Variants in PAMR1 observed in about 807,000 individuals in gnomAD.
PAMR1 encodes inactive serine protease PAMR1.
PAMR1 carries 88 observed loss-of-function variants against 81.8 expected under a neutral mutation model. The observed-to-expected ratio is 1.08, with a 90% CI of 0.91 to 1.28. The LOEUF (loss-of-function observed/expected upper bound fraction) is 1.28, where lower values mean the gene tolerates loss of function less well. Among genes scored for constraint, PAMR1 ranks in the 50% most tolerant of loss-of-function variants. The pLI, the probability that PAMR1 is intolerant of heterozygous loss-of-function variation, is 0.00. For missense variants in PAMR1, 935 were observed against 919.7 expected, an observed-to-expected ratio of 1.02 and a Z score of -0.21; for synonymous variants, 336 against 345.3, an observed-to-expected ratio of 0.97 and a Z score of 0.30.
chr11:35,501,947 C>T (rs570139117), intron 1 of PAMR1, among the ~76,000 whole-genome samples: 2 of 152,172 alleles, frequency 1.3e-5, no homozygotes, highest in East Asian at 3.9e-4. Flanking sequence ...TTCCCAGTAG[C>T]GGAATTGCTG....
chr11:35,479,516 T>A (rs1850344917), intron 3 of PAMR1, among the ~76,000 whole-genome samples: 12 of 152,224 alleles, frequency 7.9e-5, no homozygotes, highest in Admixed American at 7.8e-4. Context: ...TCGAGTCTTG[T>A]CTGGATCTGA....
intron 1 of PAMR1, among the ~76,000 whole-genome samples, chr11:35,520,944 T>G (rs1851260539): frequency 6.6e-6 from 1 of 152,182 alleles, no homozygotes; most frequent in Admixed American, 6.5e-5. Flanking sequence ...ATAACCCAGA[T>G]GTGGATAAGA....
intron 10 of PAMR1, among the ~76,000 whole-genome samples, chr11:35,434,118 T>C (rs1286232841): frequency 6.6e-6 from 1 of 152,130 alleles, no homozygotes; most frequent in East Asian, 1.9e-4. Context: ...ATCACAACAT[T>C]CATGGAGCTA....
intron 3 of PAMR1, among the ~76,000 whole-genome samples, chr11:35,489,067 C>T (rs1189968776): frequency 1.3e-5 from 2 of 152,162 alleles, no homozygotes; most frequent in African/African-American, 4.8e-5. Context: ...GTTTTCTCTT[C>T]CTTTCCTTTT....
chr11:35,515,944 G>A (rs1004334639), intron 1 of PAMR1, among the ~76,000 whole-genome samples: 2 of 152,118 alleles, frequency 1.3e-5, no homozygotes, highest in African/African-American at 4.8e-5. Context: ...AACTATAGAC[G>A]AAAACACCCA....
At position 35,468,021 on chromosome 11, in the gene PAMR1, G is replaced by T; in HGVS notation, c.800C>A (p.Thr267Asn). The change falls in exon 6 of 11, where the codon ACT becomes AAT. Residue 267 changes from threonine (T) to asparagine (N), a missense_variant. By Grantham distance (65) the Thr-to-Asn change is moderately conservative. Coordinates refer to ENST00000619888, the MANE Select transcript of PAMR1 (RefSeq NM_001001991.3). ...SYKCACLAGY[T>N]GQRCENLLEE... ...CTCACGATTTTCACAGCGCTGCCCAGTATAGCCTGCCAAGCAGGCACACTT... is the reference window on the plus strand; with the variant it reads ...CTCACGATTTTCACAGCGCTGCCCATTATAGCCTGCCAAGCAGGCACACTT... 6.4e-7 allele frequency: 1 copy of T among 1,560,700 alleles called. No homozygotes were observed. The highest frequency in any genetic ancestry group is 1.2e-5 in the South Asian group (1 of 84,846).
intron 6 of PAMR1, among the ~76,000 whole-genome samples, chr11:35,443,500 G>A (rs1856224268): frequency 6.6e-6 from 1 of 152,182 alleles, no homozygotes; most frequent in Non-Finnish European, 1.5e-5. Flanking sequence ...GAGGATAATG[G>A]CTTCTAGCTT....
chr11:35,474,054 G>A (rs994526376), intron 4 of PAMR1, among the ~76,000 whole-genome samples: 7 of 152,298 alleles, frequency 4.6e-5, no homozygotes, highest in African/African-American at 1.2e-4. Flanking sequence ...CAGGACCCTC[G>A]TGTAGCATTT....
At chr11:35,494,365 G>C in intron 1 of PAMR1, 93 bp from the exon 2 acceptor site, 3 of 1,111,544 alleles carry the variant, frequency 2.7e-6, no homozygotes, top group Admixed American at 3.6e-5. Flanking sequence ...ACGGAGTCTT[G>C]CTCTGTCGCC....
chr11:35,477,677 T>C (rs751743432), intron 3 of PAMR1, among the ~76,000 whole-genome samples: 34 of 152,214 alleles, frequency 2.2e-4, no homozygotes, highest in Non-Finnish European at 2.5e-4. Context: ...GGAAAATTAG[T>C]AAATGTTAGC....
At chr11:35,444,195 T>C (rs1009357734) in intron 6 of PAMR1, among the ~76,000 whole-genome samples, 1 of 152,030 alleles carries the variant, frequency 6.6e-6, no homozygotes, top group Non-Finnish European at 1.5e-5. Context: ...TTAATGGGAT[T>C]TTTTTTTCTT....
intron 6 of PAMR1, among the ~76,000 whole-genome samples, chr11:35,441,933 A>T (rs1245537316): frequency 6.6e-6 from 1 of 152,214 alleles, no homozygotes; most frequent in Non-Finnish European, 1.5e-5. Flanking sequence ...TTTGATGCCA[A>T]ATCTGGCTCT....
At position 35,477,360 on chromosome 11, in the gene PAMR1, T is replaced by A. The variant is rs1224746084; in HGVS notation, c.380-2616A>T. On this transcript the variant is annotated intron_variant, in intron 3 of 10. Coordinates refer to ENST00000619888, the MANE Select transcript of PAMR1 (RefSeq NM_001001991.3). ...AAAAAAACACAGAGAACAACATTCA[T>A]CTCCCCATTTTCTAGATGTGGAACA... Among the ~76,000 whole-genome samples the A allele has an allele frequency of 3.3e-5, 5 of 152,314 alleles. No individual in the cohort carries two copies. In the East Asian group the frequency reaches 9.6e-4, roughly 29 times the overall value.
At chr11:35,466,605 T>C (rs1002323676) in intron 6 of PAMR1, among the ~76,000 whole-genome samples, 3 of 151,506 alleles carry the variant, frequency 2.0e-5, no homozygotes, top group African/African-American at 7.3e-5. Flanking sequence ...CGGGCGCCTG[T>C]AGTCCCAGCT....
chr11:35,438,511 C>A (rs1009917506), intron 8 of PAMR1, among the ~76,000 whole-genome samples: 1 of 152,112 alleles, frequency 6.6e-6, no homozygotes, highest in Admixed American at 6.5e-5. Flanking sequence ...CCAAGAATAC[C>A]CAGCACTAAA....
At chr11:35,436,915 A>T (rs1426047723) in intron 8 of PAMR1, among the ~76,000 whole-genome samples, 1 of 152,140 alleles carries the variant, frequency 6.6e-6, no homozygotes. Flanking sequence ...AAATGTAGAC[A>T]TTTTTTTCCT....
chr11:35,492,000 A>G, intron 3 of PAMR1, 45 bp downstream of exon 3: 1 of 1,547,650 alleles, frequency 6.5e-7, no homozygotes, highest in Non-Finnish European at 8.7e-7. Context: ...CTGAGACTTT[A>G]AGACAGTGTG....
chr11:35,453,222 A>G (rs1856456332), intron 6 of PAMR1: 1 of 152,190 alleles, frequency 6.6e-6, no homozygotes, highest in Non-Finnish European at 1.5e-5. Context: ...ACTGCCTTTA[A>G]ATGCCAATTT....
chr11:35,515,877 A>C (rs2135422630), intron 1 of PAMR1, among the ~76,000 whole-genome samples: 1 of 152,236 alleles, frequency 6.6e-6, no homozygotes, highest in Non-Finnish European at 1.5e-5. Flanking sequence ...ACAGATGAAT[A>C]GAATGGGACT....
Sources: allele counts gnomAD v4.1 joint callset (sites outside exome capture counted in the v4.1 genomes callset), GRCh38; gene constraint gnomAD v4.1.1; transcripts MANE v1.5; gene names NCBI Gene and HGNC (gene_info 2026-07-23, HGNC 2026-07-21).